The following ATP11B variants were observed in gnomAD, a reference collection of about 807,000 sequenced individuals.
The protein encoded by ATP11B is ATPase phospholipid transporting 11B (putative), also known as phospholipid-transporting ATPase IF.
ATP11B carries 81 observed loss-of-function variants against 157.8 expected under a neutral mutation model. The ratio of observed to expected loss-of-function variants is 0.51; its 90% confidence interval spans 0.43 to 0.62. The LOEUF (loss-of-function observed/expected upper bound fraction) is 0.62. Among genes scored for constraint, ATP11B ranks in the 20% least tolerant of loss-of-function variants. The pLI, the probability that ATP11B is intolerant of heterozygous loss-of-function variation, is 0.00. For synonymous variants in ATP11B, 451 were observed against 469.4 expected (o/e 0.96, Z 0.51); for missense variants, 1,165 against 1,402.2 (o/e 0.83, Z 2.70).
chr3:182,886,075 T>A, intron 23 of ATP11B, 65 bp downstream of exon 23: 4 of 1,118,132 alleles, frequency 3.6e-6, no homozygotes, highest in Non-Finnish European at 4.9e-6. Flanking sequence ...ATGTTCAGAT[T>A]TTGATAGACG....
chr3:182,911,379 C>T (rs1227443382), intron 28 of ATP11B, among the ~76,000 whole-genome samples: 2 of 149,152 alleles, frequency 1.3e-5, no homozygotes, highest in Non-Finnish European at 3.0e-5. Context: ...TGAGCTTTCC[C>T]TCCTGTTTTC....
intron 1 of ATP11B, among the ~76,000 whole-genome samples, chr3:182,804,112 T>C (rs1010371668): frequency 6.6e-6 from 1 of 152,218 alleles, no homozygotes; most frequent in Non-Finnish European, 1.5e-5. Context: ...AGTTTCTTCA[T>C]ATTTTTTCCC....
At chr3:182,910,073 G>GGAAA (rs1560133093) in intron 28 of ATP11B, among the ~76,000 whole-genome samples, 4 of 63,388 alleles carry the variant, frequency 6.3e-5, no homozygotes, top group Non-Finnish European at 6.9e-5. Flanking sequence ...TCGGCCTCCA[G>GGAAA]AAAAAAAAAA....
rs771298105 is a variant in ATP11B at position 182,897,292 on chromosome 3, CTT to C, written c.3049-4_3049-3del. On this transcript the variant is annotated splice_polypyrimidine_tract_variant and intron_variant, in intron 26 of 29. Transcript: ENST00000323116. Reference sequence around the variant, plus strand: ...GTTTATATTTCTAAGGATATAAAAACTTTTTTTTAGATGGCTCTGGAAACTCA... The same window carrying C: ...GTTTATATTTCTAAGGATATAAAAACTTTTTTAGATGGCTCTGGAAACTCA... The C allele has an allele frequency of 1.3e-6, 2 of 1,516,210 alleles. No homozygotes were observed. The highest frequency in any genetic ancestry group is 2.4e-5 in the East Asian group (1 of 41,708). The allele number at this position is 1,516,210 out of a possible 1,614,324, so 93.9% of individuals were successfully genotyped here. A position where few individuals can be genotyped will look rare whatever the true frequency, so the allele number is the denominator to read the frequency against.
At chr3:182,810,946 A>G (rs1463950284) in intron 1 of ATP11B, among the ~76,000 whole-genome samples, 1 of 152,192 alleles carries the variant, frequency 6.6e-6, no homozygotes, top group Non-Finnish European at 1.5e-5. Flanking sequence ...TAAAATTTAA[A>G]TAAGTTGCTT....
intron 4 of ATP11B, among the ~76,000 whole-genome samples, chr3:182,834,200 C>T (rs191458121): frequency 9.9e-4 from 150 of 152,262 alleles, no homozygotes; most frequent in Admixed American, 1.9e-3. Flanking sequence ...AATTAAATTT[C>T]TCTAAAATGA....
intron 22 of ATP11B, 100 bp downstream of exon 22, chr3:182,884,998 A>G (rs1722703151): frequency 1.5e-6 from 1 of 686,254 alleles, no homozygotes; most frequent in Non-Finnish European, 2.2e-6. Flanking sequence ...AAATAGTTTC[A>G]ATAAGTAAAA....
At chr3:182,845,267 A>G (rs1246911807) in intron 8 of ATP11B, among the ~76,000 whole-genome samples, 191 bp from the exon 9 acceptor site, 2 of 152,060 alleles carry the variant, frequency 1.3e-5, no homozygotes, top group African/African-American at 4.8e-5. Context: ...TCAGCTTCCC[A>G]AAGTGCTAGC....
intron 4 of ATP11B, among the ~76,000 whole-genome samples, chr3:182,830,890 A>G (rs1410098676): frequency 6.6e-6 from 1 of 152,222 alleles, no homozygotes; most frequent in African/African-American, 2.4e-5. Context: ...CACTCCATAT[A>G]ATTATTCACC....
At chr3:182,800,026 C>G (rs945188191) in intron 1 of ATP11B, among the ~76,000 whole-genome samples, 1 of 151,952 alleles carries the variant, frequency 6.6e-6, no homozygotes, top group Non-Finnish European at 1.5e-5. Context: ...AGGAGTATTG[C>G]TTGAACACAG....
At chr3:182,795,249 G>A (rs1040556479) in intron 1 of ATP11B, among the ~76,000 whole-genome samples, 2 of 152,190 alleles carry the variant, frequency 1.3e-5, no homozygotes, top group Non-Finnish European at 2.9e-5. Flanking sequence ...AATTATTACA[G>A]ATTTGATCTT....
At chr3:182,822,062 T>A (rs554247851) in intron 2 of ATP11B, among the ~76,000 whole-genome samples, 2 of 152,236 alleles carry the variant, frequency 1.3e-5, no homozygotes, top group South Asian at 2.1e-4. Context: ...GAAGAGGAGA[T>A]GTCAGAATCC....
chr3:182,865,095 C>T (rs1250624294), intron 12 of ATP11B, among the ~76,000 whole-genome samples: 2 of 152,122 alleles, frequency 1.3e-5, no homozygotes. Context: ...CATTATTAAG[C>T]ATCCTTTCCA....
At chr3:182,864,149 A>T (rs993713187) in intron 12 of ATP11B, among the ~76,000 whole-genome samples, 1 of 151,526 alleles carries the variant, frequency 6.6e-6, no homozygotes, top group Non-Finnish European at 1.5e-5. Context: ...TATATATTCT[A>T]TTTTTTTTAG....
chr3:182,836,297 C>T, intron 5 of ATP11B, 45 bp from the exon 6 acceptor site: 2 of 1,610,006 alleles, frequency 1.2e-6, no homozygotes, highest in African/African-American at 1.3e-5. Flanking sequence ...TAAGTCCTTG[C>T]CTTTTAAAAT....
At chr3:182,870,230 T>C (rs1378387558) in intron 17 of ATP11B, among the ~76,000 whole-genome samples, 2 of 152,210 alleles carry the variant, frequency 1.3e-5, no homozygotes, top group Admixed American at 1.3e-4. Context: ...ATATCTCTCA[T>C]TTACAAAATT....
rs9814205 is a variant in ATP11B, at chr3:182,828,229, C to A, written c.234+20C>A. 0.75 allele frequency: 817,582 copies of A among 1,093,404 alleles called. 309,980 individuals carry two copies. Among genetic ancestry groups the A allele is most frequent in the Non-Finnish European group, 0.78 (595,439 of 760,830 alleles). 67.7% of individuals were successfully genotyped at this position (1,093,404 alleles called of 1,614,324 possible). ...GTTCAGGTAAGCTTTATTACTCAAT[C>A]TTAAGTTTGTAAACATAGTTTCTAA... On this transcript the variant is annotated intron_variant, in intron 3 of 29. Coordinates refer to ENST00000323116, the MANE Select transcript of ATP11B (RefSeq NM_014616.3).
rs1228331397 is a variant in ATP11B, at chr3:182,866,373, C to T, written c.1549C>T (p.Leu517=). ...CTGDGPWQSN[L]APSQLEYYAS... is the part of the protein sequence containing the mutation. ...TGGTGATGGTCCCTGGCAATCCAACCTGGCACCATCGCAGTTGGAGTACTA... is the reference window on the plus strand; with the variant it reads ...TGGTGATGGTCCCTGGCAATCCAACTTGGCACCATCGCAGTTGGAGTACTA... Residue 517 remains leucine, a synonymous_variant, in exon 14 of 30, where the codon CTG becomes TTG. Transcript: ENST00000323116. 1 of 1,613,888 alleles carries T rather than the reference C, an allele frequency of 6.2e-7. No homozygotes were observed. The highest frequency in any genetic ancestry group is 2.2e-5 in the East Asian group (1 of 44,868).
intron 11 of ATP11B, 64 bp from the exon 12 acceptor site, chr3:182,859,098 T>C: frequency 8.3e-7 from 1 of 1,210,380 alleles, no homozygotes. Context: ...GTAATTTTCA[T>C]CAGTAATACT....
Sources: allele counts gnomAD v4.1 joint callset (sites outside exome capture counted in the v4.1 genomes callset), GRCh38; gene constraint gnomAD v4.1.1; transcripts MANE v1.5; gene names NCBI Gene and HGNC (gene_info 2026-07-23, HGNC 2026-07-21).